Variants in STMND1 observed in about 807,000 individuals in gnomAD.
STMND1 encodes stathmin domain-containing protein 1.
A neutral mutation model predicts 23.0 loss-of-function variants in STMND1; 17 were observed. The observed-to-expected ratio is 0.74, with a 90% CI of 0.51 to 1.11. STMND1 has a LOEUF of 1.11. Among genes scored for constraint, STMND1 ranks in the 50% least tolerant of loss-of-function variants. The probability of loss-of-function intolerance (pLI) is 0.00; values close to 1 mark genes in which losing one functional copy is unlikely to be tolerated. For missense variants in STMND1, 305 were observed against 329.1 expected (o/e 0.93, Z 0.57); for synonymous variants, 114 against 119.9 (o/e 0.95, Z 0.32).
At chr6:17,118,325 TATAAAA>T (rs1211188448) in intron 2 of STMND1, among the ~76,000 whole-genome samples, 1 of 152,188 alleles carries the variant, frequency 6.6e-6, no homozygotes, top group African/African-American at 2.4e-5. Flanking sequence ...ATGTCAAACT[TATAAAA>T]ATAAAATTTT....
At chr6:17,124,784 G>T (rs185446192) in intron 3 of STMND1, among the ~76,000 whole-genome samples, 351 of 151,946 alleles carry the variant, frequency 2.3e-3, no homozygotes, top group Admixed American at 4.1e-3. Flanking sequence ...GATGGCTTGA[G>T]CCCAGGAGTT....
intron 3 of STMND1, among the ~76,000 whole-genome samples, chr6:17,126,341 A>G (rs983032114): frequency 6.6e-6 from 1 of 152,086 alleles, no homozygotes; most frequent in African/African-American, 2.4e-5. Context: ...AACTCAAGAA[A>G]GAACATGGCT....
At position 17,116,229 on chromosome 6, in the gene STMND1, G is replaced by A. The variant is rs2113483367; in HGVS notation, c.259+1090G>A. Among the ~76,000 whole-genome samples, 4 of 152,266 alleles carry A rather than the reference G, an allele frequency of 2.6e-5. 1 individual carries two copies. Among genetic ancestry groups the A allele is most frequent in the Admixed American group, 2.6e-4 (4 of 15,288 alleles). On this transcript the variant is annotated intron_variant, in intron 2 of 4. Transcript: ENST00000536551. ...GAAGAGGGTGACAGGTAAGCAGAAG[G>A]GTGTTGAGAGAGAACAGCTAGGGAG... is the stretch of plus-strand genomic sequence containing the variant.
At chr6:17,103,843 T>C (rs1431887258) in intron 1 of STMND1, among the ~76,000 whole-genome samples, 1 of 152,118 alleles carries the variant, frequency 6.6e-6, no homozygotes, top group Non-Finnish European at 1.5e-5. Flanking sequence ...GTGCTGGGAT[T>C]ACAGGTGTAA....
chr6:17,130,776 G>A lies in STMND1; in HGVS notation c.726G>A (p.Lys242=). 1.3e-6 allele frequency: 2 copies of A among 1,536,048 alleles called. No homozygotes were observed. Among genetic ancestry groups the A allele is most frequent in the Admixed American group, 2.0e-5 (1 of 50,994 alleles). The change falls in exon 5 of 5, where the codon AAG becomes AAA. Residue 242 remains lysine (K), a synonymous_variant. Transcript: ENST00000536551. ...GAGGAAAACCATTGAAGAGGAAGAA[G>A]AGTAAATGTGATGCAACCTTGATTG... is the stretch of plus-strand genomic sequence containing the variant. The part of the protein sequence containing the change: ...LQGGKPLKRK[K]SKCDATLIDR...
chr6:17,113,637 T>C (rs1220931394), intron 1 of STMND1, among the ~76,000 whole-genome samples: 1 of 146,058 alleles, frequency 6.8e-6, no homozygotes, highest in Non-Finnish European at 1.5e-5. Context: ...TGCATCACTT[T>C]TTTTTTTTTT....
chr6:17,106,540 G>C (rs193039530), intron 1 of STMND1, among the ~76,000 whole-genome samples: 422 of 152,246 alleles, frequency 2.8e-3, no homozygotes, highest in Non-Finnish European at 3.4e-3. Context: ...AAAATAACCT[G>C]AAAATAGACT....
In STMND1 at chr6:17,102,148, TAGGGCGC is replaced by T. The variant is rs1730122052; in HGVS notation, c.-99_-93del. The T allele has an allele frequency of 8.9e-7, 1 of 1,128,254 alleles. No individual in the cohort carries two copies. Among genetic ancestry groups the T allele is most frequent in the Non-Finnish European group, 1.2e-6 (1 of 861,090 alleles). The allele number at this position is 1,128,254 out of a possible 1,614,324, so 69.9% of individuals were successfully genotyped here. ...GCGCCCGAGCGCAGTAGCAGGGGCG[TAGGGCGC>T]AGGGCGCAGGAGCGCGGGACCACCG... On this transcript the variant is annotated 5_prime_UTR_variant, in exon 1 of 5. Transcript: ENST00000536551.
At position 17,126,079 on chromosome 6, in the gene STMND1, T is replaced by A. The variant is rs1158758631; in HGVS notation, c.412-3033T>A. On this transcript the variant is annotated intron_variant, in intron 3 of 4. Transcript: ENST00000536551. Reference sequence around the variant, plus strand: ...ATATATATATATATATATTTTTTTTTTTTTTTTTTTTTTTTTTTTAAAGAG... The same window carrying A: ...ATATATATATATATATATTTTTTTTATTTTTTTTTTTTTTTTTTTAAAGAG... Among the ~76,000 whole-genome samples, 529 of 85,252 alleles carry A rather than the reference T, an allele frequency of 6.2e-3. 1 individual carries two copies. Among genetic ancestry groups the A allele is most frequent in the Non-Finnish European group, 0.011 (436 of 38,644 alleles). 55.9% of individuals were successfully genotyped at this position (85,252 alleles called of 152,430 possible).
chr6:17,124,365 T>C (rs1428594675), intron 3 of STMND1, among the ~76,000 whole-genome samples: 1 of 152,236 alleles, frequency 6.6e-6, no homozygotes, highest in African/African-American at 2.4e-5. Context: ...TATATTTACA[T>C]ACAAGGGCAT....
chr6:17,109,282 C>T (rs1761067908), intron 1 of STMND1, among the ~76,000 whole-genome samples: 1 of 152,118 alleles, frequency 6.6e-6, no homozygotes, highest in African/African-American at 2.4e-5. Flanking sequence ...CTAATTAACC[C>T]TCAACACAAT....
intron 3 of STMND1, among the ~76,000 whole-genome samples, chr6:17,123,600 C>T (rs1234275767): frequency 6.6e-6 from 1 of 152,062 alleles, no homozygotes; most frequent in African/African-American, 2.4e-5. Flanking sequence ...CCAGGTGATT[C>T]CCATGGGCAG....
At chr6:17,120,408 T>C (rs528024458) in intron 2 of STMND1, among the ~76,000 whole-genome samples, 199 bp from the exon 3 acceptor site, 36 of 152,338 alleles carry the variant, frequency 2.4e-4, no homozygotes, top group Middle Eastern at 3.4e-3. Flanking sequence ...CAGTATATTA[T>C]GTTGATGTGT....
chr6:17,108,197 C>T (rs1003424761), intron 1 of STMND1, among the ~76,000 whole-genome samples: 1 of 152,170 alleles, frequency 6.6e-6, no homozygotes, highest in African/African-American at 2.4e-5. Flanking sequence ...GCCTGGATTC[C>T]AAATCCAAGT....
chr6:17,110,847 A>G (rs1761088528), intron 1 of STMND1: 1 of 456,008 alleles, frequency 2.2e-6, no homozygotes, highest in East Asian at 6.9e-5. Flanking sequence ...TTGTGTTCTT[A>G]TCTCTTCTGG....
intron 3 of STMND1, 96 bp downstream of exon 3, chr6:17,120,854 A>G: frequency 2.0e-6 from 2 of 994,638 alleles, no homozygotes; most frequent in Non-Finnish European, 2.8e-6. Context: ...GCAAGTTACA[A>G]TACAGATAAC....
chr6:17,126,602 A>T (rs1337633300), intron 3 of STMND1, among the ~76,000 whole-genome samples: 2 of 152,152 alleles, frequency 1.3e-5, no homozygotes, highest in Non-Finnish European at 2.9e-5. Context: ...ATTTCACAGT[A>T]TCTCTAGTTG....
Position 17,115,143 on chromosome 6 carries a change from A to G in STMND1, c.259+4A>G. On this transcript the variant is annotated splice_donor_region_variant and intron_variant, in intron 2 of 4. Transcript: ENST00000536551. ...AGAAACAGACGAGTAAATTCAGGTA[A>G]CCTCCCTCTGCCCCCATTCACGTAG... 6.5e-7 allele frequency: 1 copy of G among 1,532,118 alleles called. No homozygotes were observed. The allele number at this position is 1,532,118 out of a possible 1,614,324, so 94.9% of individuals were successfully genotyped here. A position where few individuals can be genotyped will look rare whatever the true frequency, so the allele number is the denominator to read the frequency against.
intron 1 of STMND1, among the ~76,000 whole-genome samples, chr6:17,105,353 G>A (rs763039137): frequency 4.6e-5 from 7 of 152,152 alleles, no homozygotes; most frequent in Non-Finnish European, 8.8e-5. Flanking sequence ...ATTATTATAA[G>A]ATAAAATCCT....
Sources: allele counts gnomAD v4.1 joint callset (sites outside exome capture counted in the v4.1 genomes callset), GRCh38; gene constraint gnomAD v4.1.1; transcripts MANE v1.5; gene names NCBI Gene and HGNC (gene_info 2026-07-23, HGNC 2026-07-21).